EVI5L: variants seen among roughly 807,000 people sequenced by gnomAD.
The protein encoded by EVI5L is EVI5-like protein.
A neutral mutation model predicts 106.1 loss-of-function variants in EVI5L; 30 were observed. That is an observed-to-expected ratio of 0.28 (90% CI 0.21 to 0.38). The LOEUF is 0.38. Among genes scored for constraint, EVI5L ranks in the 10% least tolerant of loss-of-function variants. EVI5L has a pLI of 1.00. For missense variants in EVI5L, 809 were observed against 1,098.0 expected, an observed-to-expected ratio of 0.74 and a Z score of 3.72; for synonymous variants, 489 against 483.3, an observed-to-expected ratio of 1.01 and a Z score of -0.15.
At chr19:7,841,524 C>T (rs4804828) in intron 1 of EVI5L, among the ~76,000 whole-genome samples, 24,412 of 152,072 alleles carry the variant, frequency 0.16, 2,580 homozygotes, top group Non-Finnish European at 0.22. Context: ...CCCCACGCCC[C>T]CCACAACCCC....
At chr19:7,846,734 A>C in intron 2 of EVI5L, 55 bp downstream of exon 2, 1 of 1,578,100 alleles carries the variant, frequency 6.3e-7, no homozygotes, top group Non-Finnish European at 8.6e-7. Flanking sequence ...CTGGGCCCCC[A>C]CAGGAGTTCC....
At chr19:7,840,115 C>T (rs572347006) in intron 1 of EVI5L, among the ~76,000 whole-genome samples, 1 of 152,252 alleles carries the variant, frequency 6.6e-6, no homozygotes, top group South Asian at 2.1e-4. Context: ...GGACAAGGGG[C>T]CTGCTTCTGT....
Position 7,846,536 on chromosome 19 carries a change from A to T in EVI5L, c.-7A>T. On this transcript the variant is annotated 5_prime_UTR_variant, in exon 2 of 20. Transcript: ENST00000538904. ...AACCCCGCTCACGGCTAACAAGCCC[A>T]CCCACCATGGCGAGCCCCACTCTGA... 1 of 1,605,138 alleles carries T rather than the reference A, an allele frequency of 6.2e-7. No individual in the cohort carries two copies. Among genetic ancestry groups the T allele is most frequent in the Non-Finnish European group, 8.5e-7 (1 of 1,176,724 alleles).
rs1416481069 is a variant in EVI5L at position 7,856,493 on chromosome 19, G to A, written c.1200+425G>A. On this transcript the variant is annotated intron_variant, in intron 11 of 19. Coordinates refer to ENST00000538904, the MANE Select transcript of EVI5L (RefSeq NM_001159944.3). The surrounding 1 kb of genome is among the most constrained non-coding windows in gnomAD (Gnocchi z 6.6). ...AAACCCAGTGGAGGAGAAGCGTGGC[G>A]CCATGGTGGGGAGCCACAGCCCGGA... Among the ~76,000 whole-genome samples, 9 of 151,984 alleles carry A rather than the reference G, an allele frequency of 5.9e-5. No homozygotes were observed. The highest frequency in any genetic ancestry group is 9.7e-5 in the African/African-American group (4 of 41,376).
In EVI5L at chr19:7,863,800, C is replaced by A. The variant is rs942390395; in HGVS notation, c.*98C>A. 24 of 1,396,426 alleles carry A rather than the reference C, an allele frequency of 1.7e-5. No individual in the cohort carries two copies. The South Asian group carries it at 2.0e-4, about 12-fold the overall frequency. The allele number at this position is 1,396,426 out of a possible 1,614,324, so 86.5% of individuals were successfully genotyped here. A position where few individuals can be genotyped will look rare whatever the true frequency, so the allele number is the denominator to read the frequency against. On this transcript the variant is annotated 3_prime_UTR_variant, in exon 20 of 20. Transcript: ENST00000538904. This position sits in a 1 kb window ranked among gnomAD's most constrained non-coding sequence, Gnocchi z 7.7. ...CCCACCTGCCGCACTTGACAAACTA[C>A]GCGCCCTCTGTGGCTCGGCCACCCC...
Position 7,847,745 on chromosome 19 carries a change from G to A in EVI5L, c.151G>A (p.Asp51Asn), listed in dbSNP as rs753092741. ...LEEQNRLLEA[D>N]SKSMRSMNGS... ...CTTCCTGCCCAGGCTCCTGGAGGCC[G>A]ACTCCAAGTCCATGCGCTCCATGAA... Residue 51 changes from aspartate (D) to asparagine (N), a missense_variant, in exon 3 of 20, where the codon GAC becomes AAC. Physicochemically the swap from Asp to Asn is conservative, Grantham distance 23. This residue lies in a region of EVI5L where 357 missense variants were observed against 588.1 expected (regional missense o/e 0.61). Transcript: ENST00000538904. 6.8e-6 allele frequency: 11 copies of A among 1,611,854 alleles called. No individual in the cohort carries two copies. Among genetic ancestry groups the A allele is most frequent in the East Asian group, 6.7e-5 (3 of 44,830 alleles).
intron 1 of EVI5L, among the ~76,000 whole-genome samples, chr19:7,842,342 C>CGTGTGTGTGA (rs1978645259): frequency 4.3e-5 from 4 of 92,876 alleles, no homozygotes; most frequent in Admixed American, 1.1e-4. Context: ...CAAGTGTGTG[C>CGTGTGTGTGA]ATGTGTGTGT....
Position 7,862,969 on chromosome 19 carries a change from C to T in EVI5L, c.1948-3C>T. ...TCCTTTCCCCCCAATCCCCCGACCC[C>T]AGAGCAAGGAGGAGGTGATGGCTGT... On this transcript the variant is annotated splice_region_variant and splice_polypyrimidine_tract_variant and intron_variant, in intron 17 of 19. Coordinates refer to ENST00000538904, the MANE Select transcript of EVI5L (RefSeq NM_001159944.3). The T allele has an allele frequency of 6.4e-7, 1 of 1,557,210 alleles. No individual in the cohort carries two copies.
intron 10 of EVI5L, among the ~76,000 whole-genome samples, chr19:7,853,785 C>T (rs1979382912): frequency 2.0e-5 from 3 of 152,102 alleles, no homozygotes; most frequent in Admixed American, 6.5e-5. Flanking sequence ...GCAAGGGGAC[C>T]GCCCTCTGGG....
intron 1 of EVI5L, among the ~76,000 whole-genome samples, chr19:7,838,506 A>T (rs559029769): frequency 2.2e-4 from 34 of 152,328 alleles, no homozygotes; most frequent in African/African-American, 7.9e-4. Flanking sequence ...GGTACGTGTT[A>T]GCCACGTAAC....
rs1480508314 is a variant in EVI5L at position 7,862,528 on chromosome 19, G to A, written c.1941G>A (p.Glu647=). Residue 647 remains glutamate, a synonymous_variant, in exon 17 of 20, where the codon GAG becomes GAA. Coordinates refer to ENST00000538904, the MANE Select transcript of EVI5L (RefSeq NM_001159944.3). ...SESRRKQAEA[E]CKSKEEVMAV... ...GCCGCCGCAAGCAGGCCGAGGCCGA[G>A]TGCAAGGTGCAGACCCCCGCGGCCC... 3.3e-6 allele frequency: 5 copies of A among 1,527,018 alleles called. No individual in the cohort carries two copies. The highest frequency in any genetic ancestry group is 4.4e-6 in the Non-Finnish European group (5 of 1,135,978). 94.6% of individuals were successfully genotyped at this position (1,527,018 alleles called of 1,614,324 possible).
In EVI5L at chr19:7,853,127, G is replaced by T; in HGVS notation, c.1029G>T (p.Pro343=). 1.9e-6 allele frequency: 3 copies of T among 1,613,916 alleles called. No homozygotes were observed. The highest frequency in any genetic ancestry group is 2.5e-6 in the Non-Finnish European group (3 of 1,180,038). ...RVIPHQFDSC[P]DKLVLKAYQV... is the part of the protein sequence containing the mutation. The stretch of plus-strand genomic sequence containing the variant: ...TCCCCCACCAGTTCGACAGCTGCCC[G>T]GACAAGCTGGTCCTCAAAGCCTACC... The change falls in exon 9 of 20, where the codon CCG becomes CCT. Residue 343 remains proline, a synonymous_variant. Coordinates refer to ENST00000538904, the MANE Select transcript of EVI5L (RefSeq NM_001159944.3).
Position 7,856,010 on chromosome 19 carries a change from C to T in EVI5L, c.1147-5C>T, listed in dbSNP as rs947495313. 2 of 1,327,860 alleles carry T rather than the reference C, an allele frequency of 1.5e-6. No homozygotes were observed. The highest frequency in any genetic ancestry group is 3.0e-5 in the African/African-American group (2 of 66,572). 82.3% of individuals were successfully genotyped at this position (1,327,860 alleles called of 1,614,324 possible). A position where few individuals can be genotyped will look rare whatever the true frequency, so the allele number is the denominator to read the frequency against. On this transcript the variant is annotated splice_polypyrimidine_tract_variant and splice_region_variant and intron_variant, in intron 10 of 19. Transcript: ENST00000538904. The surrounding 1 kb of genome is among the most constrained non-coding windows in gnomAD (Gnocchi z 6.6). ...CTATGACGTGATCTCCCCCCACCCC[C>T]ATAGAGACTTCGGACGGAGAACCGG...
At chr19:7,831,241 A>G (rs995548843) in intron 1 of EVI5L, among the ~76,000 whole-genome samples, 2 of 53,928 alleles carry the variant, frequency 3.7e-5, no homozygotes, top group African/African-American at 1.1e-4. Flanking sequence ...ACACACACAC[A>G]CACACACACA....
At chr19:7,846,961 G>C (rs910406032) in intron 2 of EVI5L, among the ~76,000 whole-genome samples, 1 of 152,122 alleles carries the variant, frequency 6.6e-6, no homozygotes, top group East Asian at 1.9e-4. Context: ...GAGTCGATTC[G>C]GGCCTTCCTG....
chr19:7,849,385 C>G (rs1979125571), intron 5 of EVI5L, 55 bp downstream of exon 5: 4 of 1,589,286 alleles, frequency 2.5e-6, no homozygotes, highest in Non-Finnish European at 3.4e-6. Flanking sequence ...ACCCTGGGCT[C>G]GGCCCCCAAG....
intron 14 of EVI5L, 151 bp downstream of exon 14, chr19:7,860,840 CG>C (rs1236090250): frequency 1.1e-6 from 1 of 951,042 alleles, no homozygotes; most frequent in Non-Finnish European, 1.5e-6. Flanking sequence ...CAACCCCACG[CG>C]GGGCATGCCC....
At chr19:7,855,328 G>A (rs140134237) in intron 10 of EVI5L, among the ~76,000 whole-genome samples, 52 of 152,176 alleles carry the variant, frequency 3.4e-4, no homozygotes, top group African/African-American at 1.2e-3. Flanking sequence ...CTGACCTCAG[G>A]TGATTTGCCT....
intron 17 of EVI5L, 65 bp from the exon 18 acceptor site, chr19:7,862,907 T>G: frequency 1.7e-6 from 2 of 1,164,236 alleles, no homozygotes; most frequent in Non-Finnish European, 1.2e-6. Context: ...CTGCCCGCGG[T>G]CCCGCCCCCT....
Sources: allele counts gnomAD v4.1 joint callset (sites outside exome capture counted in the v4.1 genomes callset), GRCh38; gene constraint gnomAD v4.1.1; regional missense constraint gnomAD v4.1.1; non-coding constraint Gnocchi (gnomAD v3.1); transcripts MANE v1.5; gene names NCBI Gene and HGNC (gene_info 2026-07-23, HGNC 2026-07-21).